Variants in CA8 observed in about 807,000 individuals in gnomAD.
CA8 encodes the protein carbonic anhydrase 8 (inactive).
CA8 carries 22 observed loss-of-function variants against 41.4 expected under a neutral mutation model. The ratio of observed to expected loss-of-function variants is 0.53; its 90% CI spans 0.38 to 0.76. The LOEUF (loss-of-function observed/expected upper bound fraction) is 0.76. CA8 is among the 30% of genes least tolerant of loss of function. The probability of loss-of-function intolerance (pLI) is 0.00; values close to 1 mark genes in which losing one functional copy is unlikely to be tolerated. For missense variants in CA8, 270 were observed against 352.8 expected (o/e 0.77, Z 1.88); for synonymous variants, 121 against 130.6 (o/e 0.93, Z 0.50).
chr8:60,211,248 G>T (rs1354673697), intron 7 of CA8, among the ~76,000 whole-genome samples: 1 of 152,200 alleles, frequency 6.6e-6, no homozygotes, highest in Non-Finnish European at 1.5e-5. Context: ...ACAAATACTA[G>T]CACTTCTATT....
At chr8:60,230,135 G>T (rs1043255481) in intron 4 of CA8, among the ~76,000 whole-genome samples, 2 of 152,140 alleles carry the variant, frequency 1.3e-5, no homozygotes, top group African/African-American at 4.8e-5. Context: ...AGGTTGTCAG[G>T]CATGAACTCC....
chr8:60,244,088 T>G (rs1366631759), intron 3 of CA8, among the ~76,000 whole-genome samples: 2 of 152,194 alleles, frequency 1.3e-5, no homozygotes, highest in East Asian at 3.8e-4. Flanking sequence ...GTCTTTGTCT[T>G]CAGTTCCCAC....
At chr8:60,254,964 C>A (rs1808574025) in intron 3 of CA8, among the ~76,000 whole-genome samples, 1 of 152,124 alleles carries the variant, frequency 6.6e-6, no homozygotes, top group Non-Finnish European at 1.5e-5. Flanking sequence ...AAGGAAACAA[C>A]GTTTCCTTTA....
chr8:60,252,363 C>T (rs1348525208), intron 3 of CA8, among the ~76,000 whole-genome samples: 1 of 152,148 alleles, frequency 6.6e-6, no homozygotes, highest in Non-Finnish European at 1.5e-5. Flanking sequence ...CATATAGTAC[C>T]CTGTGAATAT....
chr8:60,206,936 TA>T (rs1490415470), intron 8 of CA8, among the ~76,000 whole-genome samples: 5 of 151,110 alleles, frequency 3.3e-5, no homozygotes, highest in African/African-American at 2.4e-5. Context: ...TTCTTTTGTT[TA>T]AAAAAGAAAA....
chr8:60,190,310 A>G (rs2130368782), intron 8 of CA8, among the ~76,000 whole-genome samples: 1 of 151,306 alleles, frequency 6.6e-6, no homozygotes, highest in Admixed American at 6.6e-5. Context: ...TAAAGCTTTA[A>G]GTTCTTGTCA....
At chr8:60,228,759 G>T (rs1182374179) in intron 4 of CA8, among the ~76,000 whole-genome samples, 1 of 152,154 alleles carries the variant, frequency 6.6e-6, no homozygotes, top group Non-Finnish European at 1.5e-5. Context: ...TAATCTGGAT[G>T]CCCTACAGCA....
intron 7 of CA8, among the ~76,000 whole-genome samples, chr8:60,209,131 G>C (rs1361070726): frequency 6.6e-6 from 1 of 152,134 alleles, no homozygotes; most frequent in African/African-American, 2.4e-5. Context: ...AACAGAAGTA[G>C]ACATATCAAG....
At chr8:60,252,941 G>A (rs1007235415) in intron 3 of CA8, among the ~76,000 whole-genome samples, 1 of 151,958 alleles carries the variant, frequency 6.6e-6, no homozygotes. Context: ...GGAATTAAAA[G>A]CAACATGGCT....
At chr8:60,245,168 T>G (rs1451901381) in intron 3 of CA8, among the ~76,000 whole-genome samples, 1 of 152,132 alleles carries the variant, frequency 6.6e-6, no homozygotes, top group Non-Finnish European at 1.5e-5. Context: ...CACAAAACTT[T>G]TCAACAATAT....
At chr8:60,279,536 T>C (rs1179797852) in intron 2 of CA8, among the ~76,000 whole-genome samples, 153 bp downstream of exon 2, 5 of 152,222 alleles carry the variant, frequency 3.3e-5, no homozygotes, top group Non-Finnish European at 5.9e-5. Flanking sequence ...CAGAAGGTAA[T>C]TCCCAAAAAT....
chr8:60,224,674 G>A, intron 5 of CA8, 89 bp from the exon 6 acceptor site: 1 of 848,206 alleles, frequency 1.2e-6, no homozygotes, highest in Non-Finnish European at 2.0e-6. Context: ...AAATTAGAAT[G>A]AAGTCTTTTC....
chr8:60,233,192 T>C (rs936796232), intron 3 of CA8, among the ~76,000 whole-genome samples: 6 of 152,238 alleles, frequency 3.9e-5, no homozygotes, highest in African/African-American at 1.2e-4. Flanking sequence ...ATTACCTTCA[T>C]CACTATAGCT....
chr8:60,228,605 G>A (rs1169267453), intron 4 of CA8, among the ~76,000 whole-genome samples: 1 of 152,224 alleles, frequency 6.6e-6, no homozygotes, highest in Non-Finnish European at 1.5e-5. Context: ...TTAAGCAAGT[G>A]TAGTTAACCT....
chr8:60,259,727 T>TA (rs1803668611), intron 3 of CA8, among the ~76,000 whole-genome samples: 1 of 150,596 alleles, frequency 6.6e-6, no homozygotes, highest in East Asian at 1.9e-4. Context: ...TCAGGAAACA[T>TA]AAAATTTGTT....
chr8:60,236,288 C>G (rs1416361036), intron 3 of CA8, among the ~76,000 whole-genome samples: 1 of 152,204 alleles, frequency 6.6e-6, no homozygotes, highest in East Asian at 1.9e-4. Flanking sequence ...AGCCTTGAAA[C>G]TCAAGCTGCA....
chr8:60,192,661 A>G (rs1345997347), intron 8 of CA8, among the ~76,000 whole-genome samples: 1 of 152,140 alleles, frequency 6.6e-6, no homozygotes, highest in Non-Finnish European at 1.5e-5. Flanking sequence ...AAATAAGTGC[A>G]ACAAAATGAC....
intron 3 of CA8, among the ~76,000 whole-genome samples, chr8:60,245,726 G>A (rs377189373): frequency 6.6e-6 from 1 of 152,136 alleles, no homozygotes; most frequent in Non-Finnish European, 1.5e-5. Flanking sequence ...CTTTGATTGA[G>A]GTGGAACTTG....
intron 3 of CA8, among the ~76,000 whole-genome samples, chr8:60,259,740 CT>C (rs1203317962): frequency 1.1e-3 from 156 of 138,174 alleles, no homozygotes; most frequent in Middle Eastern, 3.7e-3. Context: ...AATTTGTTTG[CT>C]TTTTTTTTTT....
Sources: gnomAD v4.1 joint callset for allele counts (sites outside exome capture counted in the v4.1 genomes callset) on GRCh38, gnomAD v4.1.1 for gene constraint, MANE v1.5 for transcripts, NCBI Gene and HGNC (gene_info 2026-07-23, HGNC 2026-07-21) for gene names.